The following ANK3 variants were observed in gnomAD, a reference collection of about 807,000 sequenced individuals.
ANK3 encodes the protein ankyrin 3.
Under a neutral mutation model 370.9 loss-of-function variants are expected in ANK3, and 57 were observed. The observed-to-expected ratio is 0.15, with a 90% CI of 0.12 to 0.19. The LOEUF (loss-of-function observed/expected upper bound fraction) is 0.19. ANK3 is among the 10% of genes least tolerant of loss of function. The probability of loss-of-function intolerance (pLI) is 1.00; values close to 1 mark genes in which losing one functional copy is unlikely to be tolerated. For synonymous variants in ANK3, 1,929 were observed against 1,946.3 expected (o/e 0.99, Z 0.23); for missense variants, 4,439 against 5,302.1 (o/e 0.84, Z 5.06).
At chr10:60,514,271 T>C (rs2076161742) in intron 2 of ANK3, among the ~76,000 whole-genome samples, 1 of 152,122 alleles carries the variant, frequency 6.6e-6, no homozygotes, top group Non-Finnish European at 1.5e-5. Context: ...AGGGGGTCAG[T>C]GCCCCGGCCC....
chr10:60,240,605 A>AT (rs200365827), intron 7 of ANK3, among the ~76,000 whole-genome samples: 3 of 148,172 alleles, frequency 2.0e-5, no homozygotes, highest in Non-Finnish European at 4.5e-5. Context: ...CACCCAGTCA[A>AT]TTTTTTTTGA....
At chr10:60,643,408 C>T (rs903253605) in intron 1 of ANK3, among the ~76,000 whole-genome samples, 2 of 152,152 alleles carry the variant, frequency 1.3e-5, no homozygotes, top group Non-Finnish European at 2.9e-5. Context: ...AGTTTTGAAA[C>T]TCGGACTGGC....
intron 16 of ANK3, among the ~76,000 whole-genome samples, chr10:60,187,134 A>T (rs148281617): frequency 2.8e-5 from 4 of 144,738 alleles, no homozygotes; most frequent in African/African-American, 1.0e-4. Context: ...TGGACATTTT[A>T]TTTATTTTAT....
At chr10:60,177,668 G>A (rs1276099808) in intron 18 of ANK3, among the ~76,000 whole-genome samples, 2 of 145,964 alleles carry the variant, frequency 1.4e-5, no homozygotes, top group Non-Finnish European at 3.0e-5. Flanking sequence ...TGCGACCTCG[G>A]CTCACTGCGA....
chr10:60,282,204 G>C (rs992249877), intron 1 of ANK3, among the ~76,000 whole-genome samples: 2 of 152,148 alleles, frequency 1.3e-5, no homozygotes, highest in African/African-American at 4.8e-5. Flanking sequence ...ACAACTGTGA[G>C]TTAAGCATCC....
At chr10:60,462,793 T>C (rs1447656227) in intron 2 of ANK3, among the ~76,000 whole-genome samples, 2 of 152,126 alleles carry the variant, frequency 1.3e-5, no homozygotes, top group East Asian at 3.9e-4. Context: ...CATTGAAATT[T>C]CTTAAAAACT....
intron 42 of ANK3, among the ~76,000 whole-genome samples, chr10:60,050,302 A>G (rs1056788482): frequency 1.3e-5 from 2 of 152,324 alleles, no homozygotes; most frequent in East Asian, 1.9e-4. Context: ...TGAGCTTACA[A>G]TTGATTTGCA....
rs556448808 is a variant in ANK3 at position 60,312,193 on chromosome 10, T to G, written c.115-32554A>C. ...CAAGCAAAATGAGTTCTGGAAGAAT[T>G]CTCCATGGGAGCAGCTTCAGGGAAG... On this transcript the variant is annotated intron_variant, in intron 1 of 43. Transcript: ENST00000280772. Among the ~76,000 whole-genome samples, 4 of 152,276 alleles carry G rather than the reference T, an allele frequency of 2.6e-5. No individual in the cohort carries two copies. In the East Asian group the frequency reaches 5.8e-4, roughly 22 times the overall value.
intron 1 of ANK3, among the ~76,000 whole-genome samples, chr10:60,315,057 T>C (rs2047113915): frequency 6.6e-6 from 1 of 152,154 alleles, no homozygotes; most frequent in Non-Finnish European, 1.5e-5. Flanking sequence ...AGAGTGGAAT[T>C]TTCCAGTTTA....
chr10:60,369,093 G>C (rs567505508), intron 1 of ANK3, among the ~76,000 whole-genome samples: 11 of 149,216 alleles, frequency 7.4e-5, no homozygotes, highest in Non-Finnish European at 1.6e-4. Flanking sequence ...ATTATACTTC[G>C]GTTTAAAAAA....
chr10:60,109,017 A>T lies in ANK3; in HGVS notation c.2986T>A (p.Ser996Thr). 1 of 1,613,736 alleles carries T rather than the reference A, an allele frequency of 6.2e-7. No individual in the cohort carries two copies. Among genetic ancestry groups the T allele is most frequent in the Non-Finnish European group, 8.5e-7 (1 of 1,179,966 alleles). Residue 996 changes from serine to threonine, a missense_variant, in exon 27 of 44, where the codon TCC becomes ACC. Ser to Thr is a moderately conservative substitution (Grantham distance 58). Coordinates refer to ENST00000280772, the MANE Select transcript of ANK3 (RefSeq NM_020987.5). ...CCGTGATGACGGCTTCCTCTCATGG[A>T]GCCCCCTCTCGCGTCCACCATAAAG... ...VSFMVDARGGSMRGSRHHGMR... is the reference protein window; with the variant it reads ...VSFMVDARGGTMRGSRHHGMR...
chr10:60,398,972 C>A (rs1201501465), intron 2 of ANK3, among the ~76,000 whole-genome samples: 1 of 152,178 alleles, frequency 6.6e-6, no homozygotes, highest in Non-Finnish European at 1.5e-5. Flanking sequence ...ATATACGACA[C>A]ATATCTTACT....
Position 60,068,021 on chromosome 10 carries a change from A to G in ANK3, c.12245-12T>C. The stretch of plus-strand genomic sequence containing the variant: ...TGGACTCTGTGGACCTACGATTTAC[A>G]ATTTCTTAATTAAAATAATCATCAA... On this transcript the variant is annotated splice_polypyrimidine_tract_variant and intron_variant, in intron 37 of 43. Transcript: ENST00000280772. 1 of 1,593,476 alleles carries G rather than the reference A, an allele frequency of 6.3e-7. No homozygotes were observed. Among genetic ancestry groups the G allele is most frequent in the Non-Finnish European group, 8.6e-7 (1 of 1,164,052 alleles).
chr10:60,556,305 T>C (rs1176070076), intron 2 of ANK3, among the ~76,000 whole-genome samples: 1 of 152,194 alleles, frequency 6.6e-6, no homozygotes, highest in Non-Finnish European at 1.5e-5. Flanking sequence ...GCTGTAAATT[T>C]TTTTTTTCTG....
At chr10:60,699,644 T>G (rs187965359) in intron 1 of ANK3, among the ~76,000 whole-genome samples, 337 of 152,064 alleles carry the variant, frequency 2.2e-3, no homozygotes, top group African/African-American at 4.4e-3. Context: ...AAAATTAGTA[T>G]AAAAATATAT....
At chr10:60,394,305 A>AT (rs1264220029), upstream of ANK3, among the ~76,000 whole-genome samples, 11 of 151,964 alleles carry the variant, frequency 7.2e-5, no homozygotes, top group East Asian at 1.9e-3. Context: ...GTCTCATATT[A>AT]TTTTTCACTT....
intron 40 of ANK3, chr10:60,062,885 C>T (rs935411273): frequency 1.5e-5 from 5 of 343,306 alleles, no homozygotes; most frequent in Admixed American, 4.7e-5. Flanking sequence ...ATACCTTAGG[C>T]GTTCATACGT....
intron 7 of ANK3, among the ~76,000 whole-genome samples, chr10:60,259,621 G>T (rs939903344): frequency 6.6e-6 from 1 of 152,106 alleles, no homozygotes; most frequent in Non-Finnish European, 1.5e-5. Flanking sequence ...GAATCACTTG[G>T]AAAAGTCTGA....
Position 60,063,158 on chromosome 10 carries a change from G to T in ANK3, c.12548C>A (p.Thr4183Asn). ...ATTGTTCTCATCTGCAAAACTTCTG[G>T]TGCCTGAAATATTTCCATAATCAAA... ...PIFDYGNISG[T>N]RSFADENNVF... The change falls in exon 40 of 44, where the codon ACC (threonine) becomes AAC (asparagine). Residue 4183 changes from threonine to asparagine, a missense_variant. Thr to Asn is a moderately conservative substitution (Grantham distance 65). Coordinates refer to ENST00000280772, the MANE Select transcript of ANK3 (RefSeq NM_020987.5). 1.2e-6 allele frequency: 2 copies of T among 1,613,324 alleles called. No homozygotes were observed. Among genetic ancestry groups the T allele is most frequent in the Non-Finnish European group, 1.7e-6 (2 of 1,179,724 alleles).
Sources: allele counts gnomAD v4.1 joint callset (sites outside exome capture counted in the v4.1 genomes callset), GRCh38; gene constraint gnomAD v4.1.1; transcripts MANE v1.5; gene names NCBI Gene and HGNC (gene_info 2026-07-23, HGNC 2026-07-21).